The following RFX3 variants were observed in gnomAD, a reference collection of about 807,000 sequenced individuals.
RFX3 encodes regulatory factor X3.
A neutral mutation model predicts 98.6 loss-of-function variants in RFX3; 14 were observed. The observed-to-expected ratio is 0.14, with a 90% CI of 0.09 to 0.22. RFX3 has a LOEUF of 0.22. RFX3 is among the 10% of genes least tolerant of loss of function. RFX3 has a pLI of 1.00. For missense variants in RFX3, 639 were observed against 926.9 expected, an observed-to-expected ratio of 0.69 and a Z score of 4.03; for synonymous variants, 383 against 328.4, an observed-to-expected ratio of 1.17 and a Z score of -1.80.
chr9:3,266,772 T>A (rs1312158032), intron 11 of RFX3, among the ~76,000 whole-genome samples: 1 of 152,062 alleles, frequency 6.6e-6, no homozygotes, highest in Non-Finnish European at 1.5e-5. Flanking sequence ...TCTCTATGCA[T>A]CTATTTACTT....
intron 2 of RFX3, chr9:3,364,748 A>G (rs1836848027): frequency 6.5e-6 from 1 of 152,838 alleles, no homozygotes; most frequent in Non-Finnish European, 1.5e-5. Context: ...ATGTTAACTG[A>G]AGCCTTCTTA....
At chr9:3,287,279 AC>A (rs1439861508) in intron 7 of RFX3, among the ~76,000 whole-genome samples, 3 of 151,898 alleles carry the variant, frequency 2.0e-5, no homozygotes, top group Non-Finnish European at 2.9e-5. Context: ...TTACACTGGG[AC>A]CTATGCAGAG....
chr9:3,284,700 A>C (rs992792958), intron 7 of RFX3, among the ~76,000 whole-genome samples: 1 of 151,752 alleles, frequency 6.6e-6, no homozygotes, highest in Non-Finnish European at 1.5e-5. Flanking sequence ...TTTAAACAGA[A>C]GACCCTGTCT....
intron 2 of RFX3, among the ~76,000 whole-genome samples, chr9:3,365,232 G>A (rs1563990773): frequency 6.7e-6 from 1 of 148,830 alleles, no homozygotes; most frequent in Non-Finnish European, 1.5e-5. Context: ...CCCAGGAAGT[G>A]GAGGTTGCAG....
At chr9:3,264,394 G>A (rs1037277464) in intron 12 of RFX3, among the ~76,000 whole-genome samples, 5 of 152,076 alleles carry the variant, frequency 3.3e-5, no homozygotes, top group African/African-American at 1.2e-4. Context: ...TCAATTGGGA[G>A]CGGTAGAGGG....
intron 2 of RFX3, among the ~76,000 whole-genome samples, chr9:3,390,547 G>A (rs1048475553): frequency 6.6e-6 from 1 of 152,054 alleles, no homozygotes; most frequent in Non-Finnish European, 1.5e-5. Flanking sequence ...CCCCACCCAA[G>A]CCTCATCTTG....
chr9:3,524,603 T>C (rs905360398), intron 1 of RFX3: 4 of 983,150 alleles, frequency 4.1e-6, no homozygotes, highest in South Asian at 4.7e-5. Flanking sequence ...CAAATAACAC[T>C]GTGAACTGAG....
intron 1 of RFX3, among the ~76,000 whole-genome samples, chr9:3,447,997 CA>C (rs1846199682): frequency 6.6e-6 from 1 of 152,144 alleles, no homozygotes; most frequent in Non-Finnish European, 1.5e-5. Flanking sequence ...CAAGGAATCA[CA>C]AGCATTTTCA....
intron 1 of RFX3, among the ~76,000 whole-genome samples, chr9:3,521,068 A>T (rs1293003650): frequency 1.3e-5 from 2 of 152,194 alleles, no homozygotes; most frequent in African/African-American, 4.8e-5. Context: ...TTTTTTAAAG[A>T]TTATACAATA....
Position 3,424,375 on chromosome 9 carries a change from T to TTG in RFX3, c.-8-28780_-8-28779insCA, listed in dbSNP as rs1564082811. 6.2e-5 allele frequency among the ~76,000 whole-genome samples: 8 copies of TTG among 129,566 alleles called. 1 individual carries two copies. The highest frequency in any genetic ancestry group is 1.5e-4 in the Admixed American group (2 of 13,146). 85.0% of individuals were successfully genotyped at this position (129,566 alleles called of 152,430 possible). A position where few individuals can be genotyped will look rare whatever the true frequency, so the allele number is the denominator to read the frequency against. Reference sequence around the variant, plus strand: ...TTTTTTTTTTTTTTTTTTTTTTTTTTTTTTGAGACGGAGTCTCGCTCTGTC... The same window carrying TTG: ...TTTTTTTTTTTTTTTTTTTTTTTTTTTGTTTTGAGACGGAGTCTCGCTCTGTC... On this transcript the variant is annotated intron_variant, in intron 1 of 16. Coordinates refer to ENST00000617270, the MANE Select transcript of RFX3 (RefSeq NM_001282116.2).
chr9:3,272,173 G>C (rs554831732), intron 9 of RFX3, among the ~76,000 whole-genome samples: 5 of 152,192 alleles, frequency 3.3e-5, no homozygotes, highest in African/African-American at 1.2e-4. Context: ...TTTGTGCCAA[G>C]AACACATGAT....
At chr9:3,357,932 A>T (rs928908515) in intron 2 of RFX3, among the ~76,000 whole-genome samples, 1 of 152,048 alleles carries the variant, frequency 6.6e-6, no homozygotes, top group African/African-American at 2.4e-5. Flanking sequence ...TTATCCCACA[A>T]GAGACTATTT....
At chr9:3,472,470 T>C (rs1357849293) in intron 1 of RFX3, among the ~76,000 whole-genome samples, 1 of 152,190 alleles carries the variant, frequency 6.6e-6, no homozygotes, top group Admixed American at 6.5e-5. Context: ...ATTTATGTAA[T>C]AATTATTTTC....
At position 3,423,884 on chromosome 9, in the gene RFX3, A is replaced by T. The variant is rs371554486; in HGVS notation, c.-8-28288T>A. 8.1e-4 allele frequency among the ~76,000 whole-genome samples: 122 copies of T among 149,712 alleles called. 3 individuals are homozygous for T. In the South Asian group the frequency reaches 0.025, roughly 31 times the overall value. On this transcript the variant is annotated intron_variant, in intron 1 of 16. Coordinates refer to ENST00000617270, the MANE Select transcript of RFX3 (RefSeq NM_001282116.2). ...ACAAGAAGGCCAGGCGCGGTGGCTCACGCCTGTAATCCCAGCACTCTGGGA... is the reference window on the plus strand; with the variant it reads ...ACAAGAAGGCCAGGCGCGGTGGCTCTCGCCTGTAATCCCAGCACTCTGGGA...
At chr9:3,414,297 G>A (rs1038683337) in intron 1 of RFX3, among the ~76,000 whole-genome samples, 3 of 152,038 alleles carry the variant, frequency 2.0e-5, no homozygotes, top group African/African-American at 7.2e-5. Flanking sequence ...CAAAATTTGT[G>A]TTCCATATTT....
chr9:3,375,387 C>G (rs1838350354), intron 2 of RFX3, among the ~76,000 whole-genome samples: 2 of 152,334 alleles, frequency 1.3e-5, no homozygotes, highest in Admixed American at 6.5e-5. Context: ...TTATCTAACT[C>G]TGTCCATGGC....
rs549137343 is a variant in RFX3, at chr9:3,365,550, G to C, written c.118-18786C>G. 3.3e-5 allele frequency among the ~76,000 whole-genome samples: 5 copies of C among 152,178 alleles called. No individual in the cohort carries two copies. In the East Asian group the frequency reaches 7.7e-4, roughly 24 times the overall value. ...TCTAAATCCCTGAAGAAAAGAAAAA[G>C]AGTAGCAACCATAATACTCCTCTAG... On this transcript the variant is annotated intron_variant, in intron 2 of 16. Transcript: ENST00000617270.
intron 4 of RFX3, among the ~76,000 whole-genome samples, chr9:3,307,182 G>A (rs769037096): frequency 6.6e-6 from 1 of 152,064 alleles, no homozygotes; most frequent in Non-Finnish European, 1.5e-5. Flanking sequence ...ACATTAAACC[G>A]CTTTCCTTTG....
chr9:3,474,835 GC>G (rs1430964243), intron 1 of RFX3, among the ~76,000 whole-genome samples: 6 of 152,172 alleles, frequency 3.9e-5, no homozygotes, highest in African/African-American at 1.4e-4. Flanking sequence ...GGTGGCTCAT[GC>G]CTGTAATCTC....
Sources: allele counts gnomAD v4.1 joint callset (sites outside exome capture counted in the v4.1 genomes callset), GRCh38; gene constraint gnomAD v4.1.1; transcripts MANE v1.5; gene names NCBI Gene and HGNC (gene_info 2026-07-23, HGNC 2026-07-21).